SLC67A2: variants seen among roughly 807,000 people sequenced by gnomAD.
SLC67A2 encodes solute carrier family 67 member A2.
At chr2:102,728,016 G>C in the SLC67A2 span, among the ~76,000 whole-genome samples, 1 of 152,034 alleles carries the variant, frequency 6.6e-6, no homozygotes, top group Non-Finnish European at 1.5e-5. Context: ...AACCTGCCCG[G>C]CGTAGCTCCC....
the SLC67A2 span, among the ~76,000 whole-genome samples, chr2:102,725,803 T>C: frequency 6.6e-6 from 1 of 152,170 alleles, no homozygotes; most frequent in African/African-American, 2.4e-5. Flanking sequence ...CAGCTGATCA[T>C]CACGTCTATG....
At chr2:102,728,291 A>G in the SLC67A2 span, among the ~76,000 whole-genome samples, 113,957 of 151,954 alleles carry the variant, frequency 0.75, 42,770 homozygotes, top group East Asian at 0.78. Context: ...AGTCCCGGCT[A>G]GGAGGTGACT....
At chr2:102,718,519 G>T in the SLC67A2 span, 173 of 1,605,992 alleles carry the variant, frequency 1.1e-4, 1 homozygote, top group African/African-American at 8.8e-4. Context: ...CGCCCAGGCT[G>T]GGGGGGCCGC....
chr2:102,719,065 G>C, the SLC67A2 span: 1 of 1,614,214 alleles, frequency 6.2e-7, no homozygotes, highest in Non-Finnish European at 8.5e-7. Context: ...CAGTCTTCTT[G>C]CTGGCCCTGG....
the SLC67A2 span, chr2:102,718,816 T>C: frequency 6.2e-7 from 1 of 1,613,816 alleles, no homozygotes; most frequent in Non-Finnish European, 8.5e-7. Flanking sequence ...TGTACAGCCG[T>C]AGGATTGGCC....
the SLC67A2 span, among the ~76,000 whole-genome samples, chr2:102,734,838 A>G: frequency 1.3e-5 from 2 of 152,248 alleles, no homozygotes; most frequent in African/African-American, 4.8e-5. Context: ...TAAATTGTGA[A>G]TATTCAAATC....
At chr2:102,723,860 C>G in the SLC67A2 span, 1 of 1,614,104 alleles carries the variant, frequency 6.2e-7, no homozygotes, top group Non-Finnish European at 8.5e-7. Context: ...TCTCTGGAAC[C>G]ACATCAGAAA....
At chr2:102,717,067 C>G in the SLC67A2 span, 2 of 152,160 alleles carry the variant, frequency 1.3e-5, no homozygotes, top group Non-Finnish European at 2.9e-5. Flanking sequence ...GAGTCTCACT[C>G]TGTCGCCCAG....
the SLC67A2 span, among the ~76,000 whole-genome samples, chr2:102,734,464 T>A: frequency 6.6e-6 from 1 of 152,190 alleles, no homozygotes; most frequent in African/African-American, 2.4e-5. Flanking sequence ...AAATGACTTC[T>A]CTAAGCTTGT....
At chr2:102,736,735 G>A in the SLC67A2 span, 29 of 1,613,768 alleles carry the variant, frequency 1.8e-5, no homozygotes, top group Non-Finnish European at 2.2e-5. Context: ...CCTGTCTTCT[G>A]CTCCTGTTTC....
At chr2:102,723,596 G>A in the SLC67A2 span, 2 of 1,151,852 alleles carry the variant, frequency 1.7e-6, no homozygotes, top group African/African-American at 1.5e-5. Context: ...TGGACGATGA[G>A]TCTGTCTATT....
the SLC67A2 span, among the ~76,000 whole-genome samples, chr2:102,725,646 C>T: frequency 1.7e-3 from 256 of 152,262 alleles, no homozygotes; most frequent in Admixed American, 4.6e-3. Flanking sequence ...CAACTGACCA[C>T]ATTTAAGCAA....
At chr2:102,715,607 G>T in the SLC67A2 span, among the ~76,000 whole-genome samples, 1 of 152,056 alleles carries the variant, frequency 6.6e-6, no homozygotes, top group Non-Finnish European at 1.5e-5. Flanking sequence ...AAATCCTGGA[G>T]ACCTGTTCCC....
At chr2:102,729,229 T>C in the SLC67A2 span, among the ~76,000 whole-genome samples, 4 of 151,908 alleles carry the variant, frequency 2.6e-5, no homozygotes, top group Non-Finnish European at 5.9e-5. Flanking sequence ...AGTACAAACA[T>C]AAAACAACAA....
chr2:102,732,317 C>T, the SLC67A2 span: 2 of 1,611,124 alleles, frequency 1.2e-6, no homozygotes, highest in Admixed American at 3.4e-5. Flanking sequence ...ATATCGACCA[C>T]TCACCTACTA....
the SLC67A2 span, among the ~76,000 whole-genome samples, chr2:102,735,846 GCACACACACACACA>G: frequency 3.4e-3 from 513 of 149,690 alleles, 5 homozygotes; most frequent in African/African-American, 0.012. Context: ...ACGCGCGCGC[GCACACACACACACA>G]CACACACACG....
the SLC67A2 span, chr2:102,718,420 C>T: frequency 1.1e-5 from 18 of 1,613,632 alleles, no homozygotes; most frequent in East Asian, 4.5e-5. Context: ...CCAAATCCAT[C>T]TACTCACTTT....
the SLC67A2 span, chr2:102,716,133 G>C: frequency 6.6e-6 from 1 of 152,164 alleles, no homozygotes. Context: ...AAAGTCACTA[G>C]TGGAGAATAA....
chr2:102,731,546 T>C, the SLC67A2 span, among the ~76,000 whole-genome samples: 8 of 152,226 alleles, frequency 5.3e-5, no homozygotes, highest in African/African-American at 1.7e-4. Flanking sequence ...TTTACAGAGC[T>C]CTTTTACCTC....
Sources: allele counts gnomAD v4.1 joint callset (sites outside exome capture counted in the v4.1 genomes callset), GRCh38; gene constraint gnomAD v4.1.1; transcripts MANE v1.5; gene names NCBI Gene and HGNC (gene_info 2026-07-23, HGNC 2026-07-21).